The following GPC6 variants were observed in gnomAD, a reference collection of about 807,000 sequenced individuals.
GPC6 encodes glypican 6, also known as glypican-6.
In GPC6, 14 loss-of-function variants were observed where a neutral mutation model predicts 55.2. The observed-to-expected ratio is 0.25, with a 90% CI of 0.17 to 0.40. GPC6 has a LOEUF of 0.40. Among genes scored for constraint, GPC6 ranks in the 10% least tolerant of loss-of-function variants. GPC6 has a pLI of 1.00. For synonymous variants in GPC6, 278 were observed against 259.6 expected (o/e 1.07, Z -0.68); for missense variants, 641 against 708.5 (o/e 0.90, Z 1.08).
rs139973908 is a variant in GPC6 at position 94,182,902 on chromosome 13, A to C, written c.878-103447A>C. On this transcript the variant is annotated intron_variant, in intron 4 of 8. Transcript: ENST00000377047. ...GTGATCCTCCCACCTCAGCCTCCCA[A>C]GTAGCTGGGACTACAGGTGTGTGCC... is the stretch of plus-strand genomic sequence containing the variant. Among the ~76,000 whole-genome samples, 639 of 152,144 alleles carry C rather than the reference A, an allele frequency of 4.2e-3. 6 individuals are homozygous for C. The highest frequency in any genetic ancestry group is 0.014 in the African/African-American group (584 of 41,520).
chr13:93,490,084 G>A lies in GPC6; in HGVS notation c.161-55179G>A, dbSNP rs1879904004. On this transcript the variant is annotated intron_variant, in intron 1 of 8. Coordinates refer to ENST00000377047, the MANE Select transcript of GPC6 (RefSeq NM_005708.5). ...AATGCTTCCAGTTTTTGCCCATTCAGTATGATATTGGCTGTGGGTGTGTCA... is the reference window on the plus strand; with the variant it reads ...AATGCTTCCAGTTTTTGCCCATTCAATATGATATTGGCTGTGGGTGTGTCA... Among the ~76,000 whole-genome samples the A allele has an allele frequency of 1.3e-5, 2 of 151,488 alleles. 1 individual carries two copies. Among genetic ancestry groups the A allele is most frequent in the East Asian group, 4.4e-4 (2 of 4,504 alleles).
chr13:93,443,552 A>G (rs1162982648), intron 1 of GPC6, among the ~76,000 whole-genome samples: 1 of 152,204 alleles, frequency 6.6e-6, no homozygotes, highest in African/African-American at 2.4e-5. Flanking sequence ...GCCCTTGAGA[A>G]GACCAGGCAT....
chr13:93,783,697 C>G (rs549653742), intron 2 of GPC6, among the ~76,000 whole-genome samples: 2 of 152,192 alleles, frequency 1.3e-5, no homozygotes, highest in East Asian at 3.9e-4. Context: ...TGAAATATTC[C>G]AACCTATACT....
chr13:94,097,230 C>T lies in GPC6; in HGVS notation c.877+69336C>T, dbSNP rs527265219. ...TATAATGAGGCAATTGGGCAGGGCG[C>T]GGTGGCTCAGGCCTGTAATCCCAGC... On this transcript the variant is annotated intron_variant, in intron 4 of 8. Coordinates refer to ENST00000377047, the MANE Select transcript of GPC6 (RefSeq NM_005708.5). 4.1e-4 allele frequency among the ~76,000 whole-genome samples: 62 copies of T among 152,066 alleles called. 1 individual carries two copies. Among genetic ancestry groups the T allele is most frequent in the African/African-American group, 1.4e-3 (59 of 41,498 alleles).
intron 6 of GPC6, among the ~76,000 whole-genome samples, chr13:94,344,298 G>A (rs1003468066): frequency 6.6e-6 from 1 of 152,170 alleles, no homozygotes; most frequent in Non-Finnish European, 1.5e-5. Flanking sequence ...TGTAAAGAAT[G>A]TTTTGTTAAG....
In GPC6 at chr13:93,964,223, T is replaced by C. The variant is rs542990162; in HGVS notation, c.712-63506T>C. The stretch of plus-strand genomic sequence containing the variant: ...TTCAGGTTTAGCTGTGAATGTTAGA[T>C]TGATAACCTTGCATAGTGAAAAAGG... On this transcript the variant is annotated intron_variant, in intron 3 of 8. Coordinates refer to ENST00000377047, the MANE Select transcript of GPC6 (RefSeq NM_005708.5). 2.0e-5 allele frequency among the ~76,000 whole-genome samples: 3 copies of C among 152,286 alleles called. No homozygotes were observed. The East Asian group carries it at 5.8e-4, about 29-fold the overall frequency.
intron 3 of GPC6, among the ~76,000 whole-genome samples, chr13:93,887,633 C>A (rs1264205886): frequency 1.3e-5 from 2 of 152,076 alleles, no homozygotes; most frequent in Admixed American, 6.6e-5. Context: ...AGTGATCCCT[C>A]TAAATACATC....
At chr13:93,956,313 G>C (rs1879506455) in intron 3 of GPC6, among the ~76,000 whole-genome samples, 1 of 152,018 alleles carries the variant, frequency 6.6e-6, no homozygotes, top group Non-Finnish European at 1.5e-5. Context: ...TTTTATCTTG[G>C]TGGATTACTG....
At chr13:93,425,918 G>C (rs954942685) in intron 1 of GPC6, among the ~76,000 whole-genome samples, 1 of 152,080 alleles carries the variant, frequency 6.6e-6, no homozygotes, top group South Asian at 2.1e-4. Context: ...GCAGCCCACG[G>C]CTTTATTTCC....
chr13:93,701,490 T>C (rs1289511011), intron 2 of GPC6, among the ~76,000 whole-genome samples: 1 of 152,100 alleles, frequency 6.6e-6, no homozygotes, highest in Non-Finnish European at 1.5e-5. Flanking sequence ...GGCTGCTGAC[T>C]GATCAGGACA....
chr13:94,022,775 C>T (rs1882747687), intron 3 of GPC6, among the ~76,000 whole-genome samples: 1 of 152,020 alleles, frequency 6.6e-6, no homozygotes, highest in Non-Finnish European at 1.5e-5. Flanking sequence ...TTTATCCTAA[C>T]AGGTGTGAGA....
chr13:93,895,234 GTATATATATATATATA>G (rs60375718), intron 3 of GPC6, among the ~76,000 whole-genome samples: 6,576 of 108,210 alleles, frequency 0.061, 643 homozygotes, highest in African/African-American at 0.12. Context: ...GTGTGTGTGT[GTATATATATATATATA>G]TATATATATA....
chr13:93,589,730 T>G (rs1291213739), intron 2 of GPC6, among the ~76,000 whole-genome samples: 1 of 152,214 alleles, frequency 6.6e-6, no homozygotes, highest in Non-Finnish European at 1.5e-5. Flanking sequence ...TAAATGCATT[T>G]ATTGTGACCC....
At chr13:93,845,979 A>G (rs1888161010) in intron 3 of GPC6, among the ~76,000 whole-genome samples, 1 of 151,980 alleles carries the variant, frequency 6.6e-6, no homozygotes, top group African/African-American at 2.4e-5. Flanking sequence ...AACTTAAAGT[A>G]TAATAAAAAA....
chr13:94,190,958 A>G (rs908377471), intron 4 of GPC6, among the ~76,000 whole-genome samples: 1 of 152,192 alleles, frequency 6.6e-6, no homozygotes, highest in Non-Finnish European at 1.5e-5. Context: ...ACATATATAT[A>G]TAAGAGAGAG....
intron 4 of GPC6, among the ~76,000 whole-genome samples, chr13:94,071,647 C>A (rs917696156): frequency 6.6e-6 from 1 of 152,134 alleles, no homozygotes; most frequent in African/African-American, 2.4e-5. Context: ...ACAGTAATGC[C>A]TTTCCTTAGT....
intron 4 of GPC6, among the ~76,000 whole-genome samples, chr13:94,061,800 A>G (rs545630070): frequency 6.6e-6 from 1 of 152,122 alleles, no homozygotes; most frequent in African/African-American, 2.4e-5. Flanking sequence ...GGGGGAAAAA[A>G]AAAAAACAAA....
chr13:93,744,992 C>G (rs2138854554), intron 2 of GPC6, among the ~76,000 whole-genome samples: 1 of 152,080 alleles, frequency 6.6e-6, no homozygotes, highest in South Asian at 2.1e-4. Flanking sequence ...ATTTCCTCCT[C>G]TCCACCTCCA....
At chr13:94,297,162 G>C (rs9516385) in intron 5 of GPC6, among the ~76,000 whole-genome samples, 2,291 of 152,066 alleles carry the variant, frequency 0.015, 29 homozygotes, top group East Asian at 0.035. Context: ...TGCCCCTGTG[G>C]GTGTTCCGTC....
Sources: gnomAD v4.1 joint callset for allele counts (sites outside exome capture counted in the v4.1 genomes callset) on GRCh38, gnomAD v4.1.1 for gene constraint, MANE v1.5 for transcripts, NCBI Gene and HGNC (gene_info 2026-07-23, HGNC 2026-07-21) for gene names.